The following PYM1 variants were observed in gnomAD, a reference collection of about 807,000 sequenced individuals.
The protein encoded by PYM1 is partner of Y14 and mago.
Under a neutral mutation model 20.7 loss-of-function variants are expected in PYM1, and 7 were observed. The ratio of observed to expected loss-of-function variants is 0.34; its 90% CI spans 0.19 to 0.64. PYM1 has a LOEUF of 0.64. PYM1 is among the 30% of genes least tolerant of loss of function. PYM1 has a pLI of 0.74. For missense variants in PYM1, 194 were observed against 250.0 expected (o/e 0.78, Z 1.51); for synonymous variants, 100 against 99.2 (o/e 1.01, Z -0.05).
intron 1 of PYM1, among the ~76,000 whole-genome samples, chr12:55,908,124 T>C (rs1399459087): frequency 1.3e-5 from 2 of 151,558 alleles, no homozygotes; most frequent in African/African-American, 4.9e-5. Context: ...GCGCCTTTAA[T>C]CCCAGCTACT....
chr12:55,904,669 G>A (rs1350565936), intron 1 of PYM1, among the ~76,000 whole-genome samples: 1 of 150,748 alleles, frequency 6.6e-6, no homozygotes, highest in African/African-American at 2.4e-5. Flanking sequence ...CCATCAAGTG[G>A]AGTTCGAGAC....
In PYM1 at chr12:55,901,471, A is replaced by T; in HGVS notation, c.*401T>A. 2 of 160,704 alleles carry T rather than the reference A, an allele frequency of 1.2e-5. No homozygotes were observed. Among genetic ancestry groups the T allele is most frequent in the Non-Finnish European group, 2.7e-5 (2 of 73,742 alleles). 10.0% of individuals were successfully genotyped at this position (160,704 alleles called of 1,614,324 possible). ...TTTTTTTAAAAAAAAAAAAAAAATGAGGGATGGAGAGGGAAATAACCCATA... is the reference window on the plus strand; with the variant it reads ...TTTTTTTAAAAAAAAAAAAAAAATGTGGGATGGAGAGGGAAATAACCCATA... On this transcript the variant is annotated 3_prime_UTR_variant, in exon 3 of 3. Coordinates refer to ENST00000408946, the MANE Select transcript of PYM1 (RefSeq NM_032345.3).
At chr12:55,920,925 A>G (rs958265772) in intron 1 of PYM1, among the ~76,000 whole-genome samples, 7 of 152,244 alleles carry the variant, frequency 4.6e-5, no homozygotes, top group Non-Finnish European at 8.8e-5. Context: ...TGCTATGTTT[A>G]AAACAGTTTA....
At chr12:55,919,980 G>A (rs1883071236) in intron 1 of PYM1, among the ~76,000 whole-genome samples, 1 of 152,112 alleles carries the variant, frequency 6.6e-6, no homozygotes, top group South Asian at 2.1e-4. Context: ...GCCATGGTGG[G>A]AGCACTGCTT....
At chr12:55,920,103 G>A (rs571656182) in intron 1 of PYM1, among the ~76,000 whole-genome samples, 2,764 of 151,932 alleles carry the variant, frequency 0.018, 63 homozygotes, top group Admixed American at 0.035. Flanking sequence ...CTCAGGAGGA[G>A]GAGGCAGGAG....
chr12:55,915,005 C>G (rs772462), intron 1 of PYM1, among the ~76,000 whole-genome samples: 127,882 of 151,858 alleles, frequency 0.84, 54,151 homozygotes, highest in African/African-American at 0.93. Context: ...CACGAGGTCA[C>G]GAGATGGAGA....
At chr12:55,909,097 TAA>T (rs1470654982) in intron 1 of PYM1, among the ~76,000 whole-genome samples, 1 of 151,972 alleles carries the variant, frequency 6.6e-6, no homozygotes, top group Non-Finnish European at 1.5e-5. Flanking sequence ...CAGAAAGCCT[TAA>T]AAACAAGGTC....
intron 1 of PYM1, chr12:55,927,391 A>C (rs1388374666): frequency 1.4e-6 from 1 of 715,606 alleles, no homozygotes; most frequent in Non-Finnish European, 2.5e-6. Context: ...AGTCCCTCTC[A>C]TCCCCAGGAA....
intron 1 of PYM1, among the ~76,000 whole-genome samples, chr12:55,917,816 C>A (rs370982967): frequency 6.6e-6 from 1 of 151,946 alleles, no homozygotes; most frequent in Admixed American, 6.6e-5. Flanking sequence ...AAAACTCAGC[C>A]GGTCATGGTG....
chr12:55,902,634 C>T (rs1404055653), intron 2 of PYM1, among the ~76,000 whole-genome samples: 6 of 151,942 alleles, frequency 3.9e-5, no homozygotes, highest in African/African-American at 1.2e-4. Context: ...CCTGCCACCA[C>T]GCCTGGCTAA....
At position 55,927,707 on chromosome 12, in the gene PYM1, G is replaced by T; in HGVS notation, c.37+18C>A. ...GCGGGAGGGGCGTGCAAGGCGGAGG[G>T]CGCCGCGGGTCGGTCACCTGTCTCC... On this transcript the variant is annotated intron_variant, in intron 1 of 2. Transcript: ENST00000408946. 1 of 1,539,430 alleles carries T rather than the reference G, an allele frequency of 6.5e-7. No homozygotes were observed.
chr12:55,915,618 C>T (rs1178074930), intron 1 of PYM1, among the ~76,000 whole-genome samples: 1 of 147,496 alleles, frequency 6.8e-6, no homozygotes, highest in Admixed American at 6.8e-5. Flanking sequence ...ATAGGGTTAT[C>T]AAGATGAGTA....
intron 1 of PYM1, among the ~76,000 whole-genome samples, chr12:55,905,879 G>GATATATATATATCTAATAA (rs1176896318): frequency 3.8e-5 from 4 of 104,964 alleles, no homozygotes; most frequent in Non-Finnish European, 7.6e-5. Context: ...ATATCTATTA[G>GATATATATATATCTAATAA]ATATATATAT....
rs143881463 is a variant in PYM1 at position 55,922,154 on chromosome 12, C to T, written c.37+5571G>A. ...GTGCTGGGATTACAGGCATATGCCA[C>T]CATGCCCAGCCCTTAATCTCTTTTT... On this transcript the variant is annotated intron_variant, in intron 1 of 2. Transcript: ENST00000408946. 4.8e-3 allele frequency among the ~76,000 whole-genome samples: 732 copies of T among 152,214 alleles called. 7 individuals are homozygous for T. Among genetic ancestry groups the T allele is most frequent in the African/African-American group, 0.015 (636 of 41,526 alleles).
At chr12:55,905,857 TTAGA>T (rs1397139070) in intron 1 of PYM1, among the ~76,000 whole-genome samples, 1 of 46,378 alleles carries the variant, frequency 2.2e-5, no homozygotes, top group Non-Finnish European at 4.9e-5. Context: ...ATATTATATA[TTAGA>T]TATATATATA....
At chr12:55,917,374 C>T (rs1298641218) in intron 1 of PYM1, among the ~76,000 whole-genome samples, 1 of 151,668 alleles carries the variant, frequency 6.6e-6, no homozygotes, top group Non-Finnish European at 1.5e-5. Flanking sequence ...GAGCCAAGGT[C>T]GCACCATTGC....
In PYM1 at chr12:55,919,258, C is replaced by T. The variant is rs577804871; in HGVS notation, c.37+8467G>A. ...CACCTCCCAGGCTCAAGCAATTCCT[C>T]CCACCTCAGCCTCCCAAGTAGTTGG... On this transcript the variant is annotated intron_variant, in intron 1 of 2. Coordinates refer to ENST00000408946, the MANE Select transcript of PYM1 (RefSeq NM_032345.3). Among the ~76,000 whole-genome samples the T allele has an allele frequency of 6.6e-5, 10 of 152,298 alleles. No homozygotes were observed. In the Middle Eastern group the frequency reaches 0.017, roughly 259 times the overall value.
At chr12:55,908,132 A>C (rs1882857428) in intron 1 of PYM1, among the ~76,000 whole-genome samples, 1 of 151,884 alleles carries the variant, frequency 6.6e-6, no homozygotes. Flanking sequence ...AATCCCAGCT[A>C]CTTGGGAGGG....
intron 1 of PYM1, among the ~76,000 whole-genome samples, chr12:55,913,329 T>G (rs1882956218): frequency 1.3e-5 from 2 of 152,334 alleles, no homozygotes; most frequent in South Asian, 4.1e-4. Flanking sequence ...ACTGAATTAA[T>G]GAATAAATGT....
Sources: allele counts gnomAD v4.1 joint callset (sites outside exome capture counted in the v4.1 genomes callset), GRCh38; gene constraint gnomAD v4.1.1; transcripts MANE v1.5; gene names NCBI Gene and HGNC (gene_info 2026-07-23, HGNC 2026-07-21).